The following SLC27A4 variants were observed in gnomAD, a reference collection of about 807,000 sequenced individuals.
SLC27A4 encodes long-chain fatty acid transport protein 4.
In SLC27A4, 33 loss-of-function variants were observed where a neutral mutation model predicts 64.4. That is an observed-to-expected ratio of 0.51 (90% CI 0.39 to 0.68). The LOEUF (loss-of-function observed/expected upper bound fraction) is 0.68. Ranked by LOEUF, SLC27A4 falls within the 30% of genes least tolerant of loss-of-function variation. The probability of loss-of-function intolerance (pLI) is 0.00; values close to 1 mark genes in which losing one functional copy is unlikely to be tolerated. For synonymous variants in SLC27A4, 377 were observed against 370.0 expected (o/e 1.02, Z -0.22); for missense variants, 824 against 883.5 (o/e 0.93, Z 0.85).
At chr9:128,355,926 T>C (rs1832814081) in intron 12 of SLC27A4, 130 bp downstream of exon 12, 4 of 1,218,138 alleles carry the variant, frequency 3.3e-6, no homozygotes, top group Non-Finnish European at 4.8e-6. Flanking sequence ...GACCTGCCTG[T>C]GTAGAGGTGA....
intron 1 of SLC27A4, 139 bp from the exon 2 acceptor site, chr9:128,342,988 G>A: frequency 9.0e-7 from 1 of 1,109,540 alleles, no homozygotes; most frequent in South Asian, 1.4e-5. Context: ...GACCCCTGTG[G>A]TCAGTCACCC....
chr9:128,358,397 C>T (rs376381926), intron 12 of SLC27A4, among the ~76,000 whole-genome samples: 3 of 152,130 alleles, frequency 2.0e-5, no homozygotes, highest in Admixed American at 6.5e-5. Context: ...CCGTGGCTCA[C>T]GCCTGTAATC....
chr9:128,343,351 C>T, intron 2 of SLC27A4, 58 bp downstream of exon 2: 2 of 1,593,212 alleles, frequency 1.3e-6, no homozygotes, highest in South Asian at 2.2e-5. Flanking sequence ...GCTTCTGGTC[C>T]CCCAAATCTC....
At chr9:128,354,184 T>G (rs1049078667) in intron 9 of SLC27A4, among the ~76,000 whole-genome samples, 12 of 152,128 alleles carry the variant, frequency 7.9e-5, no homozygotes, top group African/African-American at 2.7e-4. Context: ...CTTCAAGTGA[T>G]CCATCCACCT....
rs747189022 is a variant in SLC27A4 at position 128,352,621 on chromosome 9, C to T, written c.878-17C>T. The T allele has an allele frequency of 3.8e-6, 6 of 1,598,422 alleles. No homozygotes were observed. In the South Asian group the frequency reaches 5.5e-5, roughly 15 times the overall value. ...CTTCATCTCGCTGACCCTCAGGGGC[C>T]ATCCCTCTGCCTCCAGGAAACATCG... is the stretch of plus-strand genomic sequence containing the variant. On this transcript the variant is annotated splice_polypyrimidine_tract_variant and intron_variant, in intron 6 of 12. Transcript: ENST00000300456.
At chr9:128,349,998 A>G (rs1832709887) in intron 4 of SLC27A4, among the ~76,000 whole-genome samples, 1 of 152,114 alleles carries the variant, frequency 6.6e-6, no homozygotes, top group Non-Finnish European at 1.5e-5. Context: ...GTTGCTTAGT[A>G]TTGGAATTGC....
chr9:128,342,214 C>T (rs766816075), intron 1 of SLC27A4: 10 of 1,600,762 alleles, frequency 6.2e-6, no homozygotes, highest in African/African-American at 2.7e-5. Flanking sequence ...TGCCTCGCTC[C>T]GCTTTTCCTC....
intron 12 of SLC27A4, 126 bp downstream of exon 12, chr9:128,355,922 C>A: frequency 3.9e-6 from 5 of 1,274,588 alleles, no homozygotes; most frequent in African/African-American, 1.5e-5. Flanking sequence ...AAGTGACCTG[C>A]CTGTGTAGAG....
chr9:128,360,630 A>G lies in SLC27A4; in HGVS notation c.*139A>G. On this transcript the variant is annotated 3_prime_UTR_variant, in exon 13 of 13. Transcript: ENST00000300456. ...CTGAGGTGCTGCCCCTCCATCCAAA[A>G]CTGCCAAGTGACTCATTGCCTTCCC... 1.2e-6 allele frequency: 1 copy of G among 831,472 alleles called. No homozygotes were observed. Among genetic ancestry groups the G allele is most frequent in the South Asian group, 1.6e-5 (1 of 63,666 alleles). 51.5% of individuals were successfully genotyped at this position (831,472 alleles called of 1,614,324 possible).
intron 6 of SLC27A4, 58 bp downstream of exon 6, chr9:128,350,633 C>CTAGTGT: frequency 7.7e-7 from 1 of 1,292,928 alleles, no homozygotes; most frequent in Non-Finnish European, 1.1e-6. Flanking sequence ...GGAACCCCAC[C>CTAGTGT]CCCATCAGGC....
In SLC27A4 at chr9:128,345,199, G is replaced by A; in HGVS notation, c.206G>A (p.Cys69Tyr). Residue 69 changes from cysteine to tyrosine, a missense_variant, in exon 3 of 13, where the codon TGC becomes TAC. By Grantham distance (194) the Cys-to-Tyr change is radical. Transcript: ENST00000300456. The surrounding 1 kb of genome is among the most constrained non-coding windows in gnomAD (Gnocchi z 4.1). The stretch of plus-strand genomic sequence containing the variant: ...AAGGTGAAGGCAAAGGTGCGACAGT[G>A]CCTGCAGGAGCGGCGGACAGTGCCC... Reference protein sequence around the residue: ...LLKVKAKVRQCLQERRTVPIL... With the variant: ...LLKVKAKVRQYLQERRTVPIL... The A allele has an allele frequency of 6.2e-7, 1 of 1,613,616 alleles. No homozygotes were observed. The highest frequency in any genetic ancestry group is 8.5e-7 in the Non-Finnish European group (1 of 1,180,028).
Position 128,355,784 on chromosome 9 carries a change from C to T in SLC27A4, c.1762C>T (p.Leu588=), listed in dbSNP as rs141609871. Residue 588 remains leucine (L), a synonymous_variant, in exon 12 of 13, where the codon CTG becomes TTG. Transcript: ENST00000300456. ...CATCTTCCTGCGCCTCCTGCCTGAG[C>T]TGCACAAAACAGGTGTGTCCCTCCC... ...RPIFLRLLPE[L]HKTGTYKFQK... is the part of the protein sequence containing the mutation. 27 of 1,613,312 alleles carry T rather than the reference C, an allele frequency of 1.7e-5. No individual in the cohort carries two copies. The African/African-American group carries it at 3.3e-4, about 20-fold the overall frequency.
At chr9:128,357,556 C>T (rs1032186249) in intron 12 of SLC27A4, among the ~76,000 whole-genome samples, 1 of 152,108 alleles carries the variant, frequency 6.6e-6, no homozygotes, top group Non-Finnish European at 1.5e-5. Flanking sequence ...AGCTGGGAGA[C>T]GAGGGAGGGG....
chr9:128,345,689 C>G lies in SLC27A4; in HGVS notation c.556+140C>G. The G allele has an allele frequency of 1.0e-6, 1 of 979,480 alleles. No individual in the cohort carries two copies. The highest frequency in any genetic ancestry group is 1.5e-6 in the Non-Finnish European group (1 of 685,100). The allele number at this position is 979,480 out of a possible 1,614,324, so 60.7% of individuals were successfully genotyped here. A position where few individuals can be genotyped will look rare whatever the true frequency, so the allele number is the denominator to read the frequency against. ...GAGTCAGACAGCTTAGGCAGTGCCACGAGTAAACGAGATCCTGGGGAAGGG... is the reference window on the plus strand; with the variant it reads ...GAGTCAGACAGCTTAGGCAGTGCCAGGAGTAAACGAGATCCTGGGGAAGGG... On this transcript the variant is annotated intron_variant, in intron 3 of 12. Coordinates refer to ENST00000300456, the MANE Select transcript of SLC27A4 (RefSeq NM_005094.4). The surrounding 1 kb of genome is among the most constrained non-coding windows in gnomAD (Gnocchi z 4.1).
In SLC27A4 at chr9:128,343,177, G is replaced by A. The variant is rs1234805921; in HGVS notation, c.45G>A (p.Lys15=). ...TGGTGGGGGTGCTGCTGTTCTCCAAGCTGGTGCTGAAACTGCCCTGGACCC... is the reference window on the plus strand; with the variant it reads ...TGGTGGGGGTGCTGCTGTTCTCCAAACTGGTGCTGAAACTGCCCTGGACCC... ...ASLVGVLLFS[K]LVLKLPWTQV... Residue 15 remains lysine, a synonymous_variant, in exon 2 of 13, where the codon AAG becomes AAA. Coordinates refer to ENST00000300456, the MANE Select transcript of SLC27A4 (RefSeq NM_005094.4). The A allele has an allele frequency of 1.2e-6, 2 of 1,614,114 alleles. No homozygotes were observed. The highest frequency in any genetic ancestry group is 8.5e-7 in the Non-Finnish European group (1 of 1,180,006).
intron 12 of SLC27A4, among the ~76,000 whole-genome samples, chr9:128,358,435 A>C (rs530562825): frequency 6.6e-6 from 1 of 150,906 alleles, no homozygotes; most frequent in Non-Finnish European, 1.5e-5. Context: ...AATTTTGTTT[A>C]ATTAACTTAA....
rs1832892205 is a variant in SLC27A4 at position 128,360,839 on chromosome 9, C to T, written c.*348C>T. On this transcript the variant is annotated 3_prime_UTR_variant, in exon 13 of 13. Coordinates refer to ENST00000300456, the MANE Select transcript of SLC27A4 (RefSeq NM_005094.4). ...AGAGCAGGGAGCTTATAAATGGAAC[C>T]AGAGCAGAAGTCCCCAGACTCAGGA... The T allele has an allele frequency of 2.9e-6, 1 of 342,408 alleles. No individual in the cohort carries two copies. The highest frequency in any genetic ancestry group is 2.6e-5 in the South Asian group (1 of 38,504). 21.2% of individuals were successfully genotyped at this position (342,408 alleles called of 1,614,324 possible). A position where few individuals can be genotyped will look rare whatever the true frequency, so the allele number is the denominator to read the frequency against.
rs548945242 is a variant in SLC27A4, at chr9:128,353,519, C to T, written c.1302C>T (p.Gly434=). Residue 434 remains glycine (G), a synonymous_variant, in exon 9 of 13, where the codon GGC becomes GGT. Coordinates refer to ENST00000300456, the MANE Select transcript of SLC27A4 (RefSeq NM_005094.4). This position sits in a 1 kb window ranked among gnomAD's most constrained non-coding sequence, Gnocchi z 4.9. ...TGGAGCTGATCCGGGGGCCCGACGG[C>T]GTCTGCATTCCCTGCCAGCCAGGTC... ...DTMELIRGPD[G]VCIPCQPGEP... is the part of the protein sequence containing the mutation. 4.6e-5 allele frequency: 74 copies of T among 1,613,980 alleles called. 1 individual carries two copies. The highest frequency in any genetic ancestry group is 5.1e-5 in the Non-Finnish European group (60 of 1,179,996).
chr9:128,341,591 G>C (rs1218133551), intron 1 of SLC27A4, among the ~76,000 whole-genome samples: 2 of 152,164 alleles, frequency 1.3e-5, no homozygotes, highest in Non-Finnish European at 2.9e-5. Context: ...TTTCTGGGTC[G>C]CCCTCTATAG....
Sources: allele counts gnomAD v4.1 joint callset (sites outside exome capture counted in the v4.1 genomes callset), GRCh38; gene constraint gnomAD v4.1.1; non-coding constraint Gnocchi (gnomAD v3.1); transcripts MANE v1.5; gene names NCBI Gene and HGNC (gene_info 2026-07-23, HGNC 2026-07-21).